Variants in IL1RAPL2 observed in about 807,000 individuals in gnomAD.
IL1RAPL2 encodes interleukin 1 receptor accessory protein like 2, also known as X-linked interleukin-1 receptor accessory protein-like 2.
In IL1RAPL2, 3 loss-of-function variants were observed where a neutral mutation model predicts 44.1. The ratio of observed to expected loss-of-function variants is 0.07; its 90% CI spans 0.03 to 0.18. The LOEUF (loss-of-function observed/expected upper bound fraction) is 0.18, where lower values mean the gene tolerates loss of function less well. IL1RAPL2 is among the 10% of genes least tolerant of loss of function. The pLI is 1.00. For missense variants in IL1RAPL2, 391 were observed against 496.4 expected (o/e 0.79, Z 2.02); for synonymous variants, 181 against 178.8 (o/e 1.01, Z -0.10).
chrX:105,327,721 A>G (rs2034951365), intron 5 of IL1RAPL2, among the ~76,000 whole-genome samples: 1 of 111,471 alleles, frequency 9.0e-6, no homozygotes, highest in Non-Finnish European at 1.9e-5. Context: ...CTTTGTACCC[A>G]TTGAGATGAA....
At chrX:104,791,845 C>A (rs1485306539) in intron 2 of IL1RAPL2, among the ~76,000 whole-genome samples, 1 of 111,094 alleles carries the variant, frequency 9.0e-6, no homozygotes, top group East Asian at 2.9e-4. Context: ...TGTTAAGAAC[C>A]CTATCTCTAC....
chrX:105,024,161 T>G (rs1343896480), intron 2 of IL1RAPL2, among the ~76,000 whole-genome samples: 2 of 111,675 alleles, frequency 1.8e-5, no homozygotes, highest in African/African-American at 6.5e-5. Context: ...TGTCTTGTTT[T>G]ATTGTATGTT....
chrX:105,457,566 T>C (rs2036065060), intron 5 of IL1RAPL2, among the ~76,000 whole-genome samples: 1 of 110,420 alleles, frequency 9.1e-6, no homozygotes, highest in African/African-American at 3.3e-5. Context: ...CATCATGTTA[T>C]AGCATATATA....
At chrX:105,095,429 AT>A (rs1160481771) in intron 2 of IL1RAPL2, among the ~76,000 whole-genome samples, 1 of 111,584 alleles carries the variant, frequency 9.0e-6, no homozygotes, top group Non-Finnish European at 1.9e-5. Flanking sequence ...AGGTGATCAT[AT>A]TTTTTTCCTT....
intron 2 of IL1RAPL2, among the ~76,000 whole-genome samples, chrX:105,054,521 A>C (rs1305364235): frequency 8.9e-6 from 1 of 112,009 alleles, no homozygotes; most frequent in African/African-American, 3.2e-5. Flanking sequence ...CCTAAGCTCA[A>C]GTCATCTTCC....
At chrX:105,291,688 A>G (rs186812329) in intron 5 of IL1RAPL2, among the ~76,000 whole-genome samples, 1 of 111,263 alleles carries the variant, frequency 9.0e-6, no homozygotes, top group South Asian at 3.8e-4. Context: ...CATTTTTTTC[A>G]GTTTCATGGA....
chrX:104,658,615 A>C (rs1056483543), intron 1 of IL1RAPL2, among the ~76,000 whole-genome samples: 5 of 112,611 alleles, frequency 4.4e-5, no homozygotes, highest in Non-Finnish European at 7.5e-5. Context: ...AAAGTATAAT[A>C]AAAAAATACA....
intron 5 of IL1RAPL2, among the ~76,000 whole-genome samples, chrX:105,415,357 C>T (rs1319068525): frequency 9.0e-6 from 1 of 111,165 alleles, no homozygotes; most frequent in East Asian, 2.8e-4. Flanking sequence ...GAATGGTTAT[C>T]ATATAATAGG....
chrX:105,526,373 C>T (rs988452029), intron 6 of IL1RAPL2, among the ~76,000 whole-genome samples: 4 of 111,428 alleles, frequency 3.6e-5, no homozygotes, highest in African/African-American at 1.3e-4. Flanking sequence ...TAAAACTCTG[C>T]CATTGAGAAG....
chrX:104,684,011 G>A (rs532802926), intron 2 of IL1RAPL2, among the ~76,000 whole-genome samples: 1 of 111,707 alleles, frequency 9.0e-6, no homozygotes, highest in East Asian at 2.8e-4. Context: ...CACACCCAGG[G>A]TACATTTTAT....
At chrX:105,180,857 G>A (rs1031878446) in intron 2 of IL1RAPL2, among the ~76,000 whole-genome samples, 1 of 112,259 alleles carries the variant, frequency 8.9e-6, no homozygotes, top group Admixed American at 9.5e-5. Context: ...GAATGAGTTA[G>A]GGAGAATTCC....
intron 1 of IL1RAPL2, among the ~76,000 whole-genome samples, chrX:104,568,516 ACT>A (rs1485538735): frequency 2.7e-5 from 3 of 111,494 alleles, no homozygotes; most frequent in East Asian, 2.8e-4. Context: ...TACGGTGTGA[ACT>A]CTCTAATTTG....
intron 2 of IL1RAPL2, among the ~76,000 whole-genome samples, chrX:104,910,680 T>C (rs1166347320): frequency 8.9e-6 from 1 of 111,850 alleles, no homozygotes; most frequent in Non-Finnish European, 1.9e-5. Context: ...TTGAGGTTTT[T>C]GTTTCTCTTT....
chrX:104,694,040 T>C (rs1332502855), intron 2 of IL1RAPL2, among the ~76,000 whole-genome samples: 2 of 112,037 alleles, frequency 1.8e-5, no homozygotes, highest in Admixed American at 9.5e-5. Flanking sequence ...ATATTTGCAT[T>C]TGGGGGGAAC....
chrX:104,891,872 C>G (rs1158865007), intron 2 of IL1RAPL2, among the ~76,000 whole-genome samples: 1 of 111,271 alleles, frequency 9.0e-6, no homozygotes, highest in Non-Finnish European at 1.9e-5. Context: ...TGTCTTGTGC[C>G]CGTTTTCAAA....
chrX:104,713,219 C>T (rs1931492688), intron 2 of IL1RAPL2, among the ~76,000 whole-genome samples: 1 of 110,304 alleles, frequency 9.1e-6, no homozygotes, highest in Admixed American at 9.7e-5. Flanking sequence ...TCTAACCTGG[C>T]CTGGGTAAAG....
chrX:105,291,963 G>A lies in IL1RAPL2; in HGVS notation c.697+24422G>A, dbSNP rs370445859. ...GGAGCACCAACTTTTCTAATAAGCT[G>A]GTTCCTCAGGGCTAACTGTGGGACT... On this transcript the variant is annotated intron_variant, in intron 5 of 10. Coordinates refer to ENST00000372582, the MANE Select transcript of IL1RAPL2 (RefSeq NM_017416.2). Among the ~76,000 whole-genome samples the A allele has an allele frequency of 4.3e-3, 481 of 110,990 alleles. 4 individuals carry two copies. Among genetic ancestry groups the A allele is most frequent in the African/African-American group, 0.015 (455 of 30,495 alleles).
chrX:105,114,903 A>C (rs2032838323), intron 2 of IL1RAPL2, among the ~76,000 whole-genome samples: 1 of 111,782 alleles, frequency 8.9e-6, no homozygotes, highest in African/African-American at 3.3e-5. Context: ...AGCTAGGATT[A>C]GTGTGAGGAT....
chrX:105,601,866 C>G (rs1206948841), intron 6 of IL1RAPL2, among the ~76,000 whole-genome samples: 1 of 111,007 alleles, frequency 9.0e-6, no homozygotes, highest in Non-Finnish European at 1.9e-5. Flanking sequence ...CTGGACCCAG[C>G]AGTACAGCCA....
Sources: gnomAD v4.1 joint callset for allele counts (sites outside exome capture counted in the v4.1 genomes callset) on GRCh38, gnomAD v4.1.1 for gene constraint, MANE v1.5 for transcripts, NCBI Gene and HGNC (gene_info 2026-07-23, HGNC 2026-07-21) for gene names.